The following SND1 variants were observed in gnomAD, a reference collection of about 807,000 sequenced individuals.
SND1 encodes the protein staphylococcal nuclease and tudor domain containing 1, also known as staphylococcal nuclease domain-containing protein 1.
SND1 carries 38 observed loss-of-function variants against 121.7 expected under a neutral mutation model. The ratio of observed to expected loss-of-function variants is 0.31; its 90% CI spans 0.24 to 0.41. The LOEUF is 0.41. Among genes scored for constraint, SND1 ranks in the 10% least tolerant of loss-of-function variants. The pLI is 1.00. For missense variants in SND1, 868 were observed against 1,184.6 expected (o/e 0.73, Z 3.92); for synonymous variants, 401 against 447.4 (o/e 0.90, Z 1.31).
At chr7:127,857,359 ATTTTTT>A (rs34235946) in intron 12 of SND1, among the ~76,000 whole-genome samples, 2 of 113,154 alleles carry the variant, frequency 1.8e-5, no homozygotes, top group African/African-American at 7.0e-5. Context: ...CCCCCGGCTA[ATTTTTT>A]TTTTTTTTTT....
chr7:127,795,000 T>G (rs1797989629), intron 10 of SND1, among the ~76,000 whole-genome samples: 1 of 152,242 alleles, frequency 6.6e-6, no homozygotes, highest in African/African-American at 2.4e-5. Context: ...TGAAGGCTTC[T>G]TTCTCTCTGC....
intron 16 of SND1, chr7:128,032,033 G>A (rs1472264648): frequency 6.6e-6 from 1 of 151,854 alleles, no homozygotes; most frequent in East Asian, 1.9e-4. Context: ...CCTCGCGCCG[G>A]GCTCGCGGTG....
At chr7:128,082,255 G>A (rs964175538) in intron 18 of SND1, among the ~76,000 whole-genome samples, 4 of 152,330 alleles carry the variant, frequency 2.6e-5, no homozygotes, top group Non-Finnish European at 5.9e-5. Flanking sequence ...AGTTTGGAGC[G>A]GAAGGAAAAG....
At chr7:127,981,988 T>C (rs571806362) in intron 15 of SND1, among the ~76,000 whole-genome samples, 131 of 152,344 alleles carry the variant, frequency 8.6e-4, no homozygotes, top group African/African-American at 3.0e-3. Context: ...CTGGCATTCA[T>C]GTAGCAAACT....
Position 127,844,404 on chromosome 7 carries a change from C to T in SND1, c.1323C>T (p.Ala441=). 1 of 1,613,318 alleles carries T rather than the reference C, an allele frequency of 6.2e-7. No individual in the cohort carries two copies. Among genetic ancestry groups the T allele is most frequent in the South Asian group, 1.1e-5 (1 of 90,932 alleles). The change falls in exon 12 of 24, where the codon GCC becomes GCT. Residue 441 remains alanine (A), a synonymous_variant. Coordinates refer to ENST00000354725, the MANE Select transcript of SND1 (RefSeq NM_014390.4). ...TVPAFSERTC[A]TVTIGGINIA... ...CTGCCTTTTCAGAGCGTACCTGTGC[C>T]ACTGTCACCATTGGAGGAATGTGAG...
At chr7:127,698,997 GGCTTT>G in intron 4 of SND1, 44 bp downstream of exon 4, 1 of 1,520,978 alleles carries the variant, frequency 6.6e-7, no homozygotes, top group Non-Finnish European at 9.1e-7. Flanking sequence ...GCGGTAAATT[GGCTTT>G]GCTGCATTTT....
At chr7:127,800,698 G>A (rs371913979) in intron 10 of SND1, among the ~76,000 whole-genome samples, 4 of 151,880 alleles carry the variant, frequency 2.6e-5, no homozygotes, top group African/African-American at 9.6e-5. Flanking sequence ...ATTCTTCCCT[G>A]TGTGCTTCAG....
At chr7:127,677,885 C>T (rs889903629) in intron 1 of SND1, among the ~76,000 whole-genome samples, 1 of 152,110 alleles carries the variant, frequency 6.6e-6, no homozygotes, top group Non-Finnish European at 1.5e-5. Flanking sequence ...TGCATTTTAT[C>T]GTTTTGAAGT....
At chr7:127,929,036 C>G (rs1800907650) in intron 14 of SND1, 152 bp from the exon 15 acceptor site, 1 of 667,668 alleles carries the variant, frequency 1.5e-6, no homozygotes, top group African/African-American at 1.8e-5. Flanking sequence ...ACTGAGGCCT[C>G]ATGGGTATCA....
intron 12 of SND1, among the ~76,000 whole-genome samples, chr7:127,845,767 C>T (rs1449593639): frequency 1.3e-5 from 2 of 152,110 alleles, no homozygotes; most frequent in Admixed American, 6.6e-5. Context: ...TGGCAGGTGG[C>T]CTCCACCAGT....
intron 14 of SND1, among the ~76,000 whole-genome samples, chr7:127,908,226 G>A (rs1182836650): frequency 6.6e-6 from 1 of 151,962 alleles, no homozygotes; most frequent in East Asian, 1.9e-4. Flanking sequence ...GCCGAGGTGG[G>A]AGGATTGCTT....
At chr7:127,748,596 T>C (rs1374769218) in intron 10 of SND1, among the ~76,000 whole-genome samples, 1 of 152,188 alleles carries the variant, frequency 6.6e-6, no homozygotes, top group East Asian at 1.9e-4. Context: ...AACTGAGCAA[T>C]AAGCTTAAAC....
At chr7:128,003,806 T>TA (rs1003495747) in intron 16 of SND1, among the ~76,000 whole-genome samples, 1 of 152,146 alleles carries the variant, frequency 6.6e-6, no homozygotes, top group African/African-American at 2.4e-5. Flanking sequence ...GACTGGTGTT[T>TA]GCTAAATAGC....
At chr7:127,934,726 A>G (rs1486181637) in intron 15 of SND1, among the ~76,000 whole-genome samples, 1 of 152,164 alleles carries the variant, frequency 6.6e-6, no homozygotes, top group Non-Finnish European at 1.5e-5. Context: ...GGTTTTAGGA[A>G]TAGGTTGTTC....
At chr7:127,997,951 G>GCA (rs774654704) in intron 16 of SND1, 1 of 534,758 alleles carries the variant, frequency 1.9e-6, no homozygotes, top group African/African-American at 1.9e-5. Context: ...AGTTCCCACA[G>GCA]CACCCTGTGC....
At chr7:127,717,209 A>G (rs1796407376) in intron 9 of SND1, among the ~76,000 whole-genome samples, 1 of 152,178 alleles carries the variant, frequency 6.6e-6, no homozygotes, top group Admixed American at 6.5e-5. Context: ...TATAGTTAGT[A>G]TATCAATATA....
intron 13 of SND1, among the ~76,000 whole-genome samples, chr7:127,893,423 G>A (rs2116741857): frequency 6.6e-6 from 1 of 152,264 alleles, no homozygotes; most frequent in East Asian, 1.9e-4. Flanking sequence ...CCTAGAAATT[G>A]TTAGAATCTG....
chr7:128,045,464 T>A (rs1792929790), intron 16 of SND1, among the ~76,000 whole-genome samples: 1 of 152,086 alleles, frequency 6.6e-6, no homozygotes, highest in Non-Finnish European at 1.5e-5. Context: ...CAGAGATGGG[T>A]TTGGGGCACA....
intron 12 of SND1, among the ~76,000 whole-genome samples, chr7:127,861,203 CAACAT>C (rs1799372434): frequency 6.6e-6 from 1 of 152,134 alleles, no homozygotes; most frequent in Non-Finnish European, 1.5e-5. Context: ...TCCATGTTTA[CAACAT>C]AATATTTTAA....
Sources: gnomAD v4.1 joint callset for allele counts (sites outside exome capture counted in the v4.1 genomes callset) on GRCh38, gnomAD v4.1.1 for gene constraint, MANE v1.5 for transcripts, NCBI Gene and HGNC (gene_info 2026-07-23, HGNC 2026-07-21) for gene names.